Variants in MS4A4A observed in about 807,000 individuals in gnomAD.
MS4A4A encodes membrane-spanning 4-domains subfamily A member 4A.
MS4A4A carries 26 observed loss-of-function variants against 28.0 expected under a neutral mutation model. The ratio of observed to expected loss-of-function variants is 0.93; its 90% confidence interval spans 0.68 to 1.29. MS4A4A has a LOEUF of 1.29. Ranked by LOEUF, MS4A4A falls within the 50% of genes most tolerant of loss-of-function variation. The pLI, the probability that MS4A4A is intolerant of heterozygous loss-of-function variation, is 0.00. For synonymous variants in MS4A4A, 86 were observed against 100.8 expected, an observed-to-expected ratio of 0.85 and a Z score of 0.88; for missense variants, 290 against 293.1, an observed-to-expected ratio of 0.99 and a Z score of 0.08.
At chr11:60,282,500 G>A in intron 1 of MS4A4A, 2 of 1,092,330 alleles carry the variant, frequency 1.8e-6, no homozygotes, top group Admixed American at 6.8e-5. Flanking sequence ...GGGGAAGTGG[G>A]GGAATAGTGT....
chr11:60,297,010 A>G (rs2084911147), intron 2 of MS4A4A, 187 bp from the exon 3 acceptor site: 4 of 682,290 alleles, frequency 5.9e-6, no homozygotes, highest in African/African-American at 1.8e-5. Context: ...AGACGTCGCG[A>G]GAGATAATAT....
At chr11:60,286,563 TCCCGCAACAG>T (rs1565142977) in intron 1 of MS4A4A, among the ~76,000 whole-genome samples, 1 of 152,196 alleles carries the variant, frequency 6.6e-6, no homozygotes, top group Non-Finnish European at 1.5e-5. Flanking sequence ...GTCCCTGACT[TCCCGCAACAG>T]TAGTTTGTTA....
At chr11:60,286,591 C>T (rs1420213636) in intron 1 of MS4A4A, among the ~76,000 whole-genome samples, 1 of 152,208 alleles carries the variant, frequency 6.6e-6, no homozygotes, top group Non-Finnish European at 1.5e-5. Flanking sequence ...TTATTAATGA[C>T]TTCTATTACC....
intron 1 of MS4A4A, among the ~76,000 whole-genome samples, chr11:60,290,681 ATACATTAC>A (rs1392022941): frequency 6.6e-6 from 1 of 151,872 alleles, no homozygotes; most frequent in Non-Finnish European, 1.5e-5. Flanking sequence ...TTTTAAGTAT[ATACATTAC>A]TAAAGTTAAA....
chr11:60,289,967 T>C (rs969569116), intron 1 of MS4A4A: 18 of 223,184 alleles, frequency 8.1e-5, no homozygotes, highest in Non-Finnish European at 8.7e-5. Context: ...TTAATTTTCA[T>C]TTAAATAAGT....
In MS4A4A at chr11:60,297,222, T is replaced by A. The variant is rs530587978; in HGVS notation, c.227T>A (p.Met76Lys). The change falls in exon 3 of 7, where the codon ATG (methionine) becomes AAG (lysine). Residue 76 changes from methionine to lysine, a missense_variant. Coordinates refer to ENST00000337908, the MANE Select transcript of MS4A4A (RefSeq NM_148975.3). ...GTTGTGCAGATTCTGACTGCCCTGA[T>A]GAGCCTTAGCATGGGAATAACAATG... ...LGVVQILTAL[M>K]SLSMGITMMC... The A allele has an allele frequency of 4.9e-5, 79 of 1,613,404 alleles. No homozygotes were observed. The East Asian group carries it at 1.7e-3, about 36-fold the overall frequency.
At chr11:60,280,858 T>C (rs1033881701) in intron 1 of MS4A4A, 142 bp downstream of exon 1, 3 of 921,582 alleles carry the variant, frequency 3.3e-6, no homozygotes, top group East Asian at 5.4e-5. Flanking sequence ...TTGGGGTGGG[T>C]TGAGTGCACC....
intron 1 of MS4A4A, among the ~76,000 whole-genome samples, chr11:60,284,739 G>A (rs1441609221): frequency 6.6e-6 from 1 of 152,174 alleles, no homozygotes; most frequent in Non-Finnish European, 1.5e-5. Flanking sequence ...GGTACATTCA[G>A]ACCTATATCG....
In MS4A4A at chr11:60,300,615, C is replaced by CAAA. The variant is rs760648433; in HGVS notation, c.331-360_331-358dup. Among the ~76,000 whole-genome samples the CAAA allele has an allele frequency of 3.4e-3, 121 of 35,986 alleles. 2 individuals are homozygous for CAAA. The highest frequency in any genetic ancestry group is 0.011 in the African/African-American group (105 of 9,526). 23.6% of individuals were successfully genotyped at this position (35,986 alleles called of 152,430 possible). On this transcript the variant is annotated intron_variant, in intron 3 of 6. Coordinates refer to ENST00000337908, the MANE Select transcript of MS4A4A (RefSeq NM_148975.3). ...TGGGCGACAGAGCGAGACTCCGTCT[C>CAAA]AAAAAAAAAAAAAAAAAAAAAAAAA...
At chr11:60,288,697 T>C (rs1336731017) in intron 1 of MS4A4A, among the ~76,000 whole-genome samples, 2 of 152,200 alleles carry the variant, frequency 1.3e-5, no homozygotes, top group Middle Eastern at 6.8e-3. Context: ...TATCCCAGGC[T>C]GTGTAAGGCT....
intron 5 of MS4A4A, 130 bp downstream of exon 5, chr11:60,302,847 A>G: frequency 1.1e-6 from 1 of 873,126 alleles, no homozygotes; most frequent in Non-Finnish European, 1.7e-6. Flanking sequence ...ATTGAGAAAT[A>G]GAATAATCTT....
chr11:60,298,386 T>C (rs1367838208), intron 3 of MS4A4A, among the ~76,000 whole-genome samples: 1 of 152,164 alleles, frequency 6.6e-6, no homozygotes, highest in African/African-American at 2.4e-5. Flanking sequence ...AAAGCTGTGT[T>C]TTACTTCTAG....
At chr11:60,307,300 A>G (rs944741066) in intron 6 of MS4A4A, among the ~76,000 whole-genome samples, 1 of 152,122 alleles carries the variant, frequency 6.6e-6, no homozygotes, top group Admixed American at 6.5e-5. Context: ...CCACTCCCCC[A>G]CAGCCCTTCC....
chr11:60,289,288 A>T (rs2084830207), intron 1 of MS4A4A, among the ~76,000 whole-genome samples: 1 of 152,112 alleles, frequency 6.6e-6, no homozygotes, highest in East Asian at 1.9e-4. Context: ...GAGCCTGTGA[A>T]GACTCTAAGT....
Position 60,290,896 on chromosome 11 carries a change from T to C in MS4A4A, c.42-1329T>C, listed in dbSNP as rs556560256. On this transcript the variant is annotated intron_variant, in intron 1 of 6. Coordinates refer to ENST00000337908, the MANE Select transcript of MS4A4A (RefSeq NM_148975.3). ...TAATTTTTTTCTCAACATAGCAAAT[T>C]TGGAGTACAACAATTTTTTTTTCAT... Among the ~76,000 whole-genome samples the C allele has an allele frequency of 1.2e-4, 19 of 152,238 alleles. No individual in the cohort carries two copies. In the South Asian group the frequency reaches 3.9e-3, roughly 32 times the overall value.
At chr11:60,296,055 T>C (rs531114655) in intron 2 of MS4A4A, among the ~76,000 whole-genome samples, 1 of 152,208 alleles carries the variant, frequency 6.6e-6, no homozygotes, top group South Asian at 2.1e-4. Context: ...AATAATGGTA[T>C]AATTTTTTTC....
At chr11:60,280,753 T>A (rs748036361) in intron 1 of MS4A4A, 37 bp downstream of exon 1, 3 of 1,611,488 alleles carry the variant, frequency 1.9e-6, no homozygotes, top group Non-Finnish European at 2.5e-6. Flanking sequence ...GCTTTCGGGC[T>A]GATGGCTTGT....
At chr11:60,291,253 G>A (rs2084853590) in intron 1 of MS4A4A, among the ~76,000 whole-genome samples, 1 of 152,178 alleles carries the variant, frequency 6.6e-6, no homozygotes, top group Non-Finnish European at 1.5e-5. Context: ...AGGATTTAAA[G>A]CAATGTAATA....
chr11:60,295,049 G>C (rs2084894361), intron 2 of MS4A4A, among the ~76,000 whole-genome samples: 1 of 151,824 alleles, frequency 6.6e-6, no homozygotes, highest in Non-Finnish European at 1.5e-5. Flanking sequence ...TTTTAATGGA[G>C]ATTGTATTAA....
Sources: allele counts gnomAD v4.1 joint callset (sites outside exome capture counted in the v4.1 genomes callset), GRCh38; gene constraint gnomAD v4.1.1; transcripts MANE v1.5; gene names NCBI Gene and HGNC (gene_info 2026-07-23, HGNC 2026-07-21).